PPP3CA: variants seen among roughly 807,000 people sequenced by gnomAD.
PPP3CA encodes the protein protein phosphatase 3 catalytic subunit alpha.
PPP3CA carries 14 observed loss-of-function variants against 66.5 expected under a neutral mutation model. The ratio of observed to expected loss-of-function variants is 0.21; its 90% CI spans 0.14 to 0.33. PPP3CA has a LOEUF of 0.33. Ranked by LOEUF, PPP3CA falls within the 10% of genes least tolerant of loss-of-function variation. The probability of loss-of-function intolerance (pLI) is 1.00; values close to 1 mark genes in which losing one functional copy is unlikely to be tolerated. For synonymous variants in PPP3CA, 232 were observed against 226.2 expected, an observed-to-expected ratio of 1.03 and a Z score of -0.23; for missense variants, 317 against 639.5, an observed-to-expected ratio of 0.50 and a Z score of 5.44.
At chr4:101,133,500 T>A (rs1722517036) in intron 2 of PPP3CA, among the ~76,000 whole-genome samples, 1 of 152,096 alleles carries the variant, frequency 6.6e-6, no homozygotes, top group Non-Finnish European at 1.5e-5. Context: ...TCACAACTGC[T>A]ACAAAGAGAA....
intron 1 of PPP3CA, among the ~76,000 whole-genome samples, chr4:101,346,078 C>A (rs2110346862): frequency 6.6e-6 from 1 of 152,136 alleles, no homozygotes; most frequent in South Asian, 2.1e-4. Context: ...CCCCCCGCGG[C>A]CACCCTCCAG....
intron 1 of PPP3CA, among the ~76,000 whole-genome samples, chr4:101,291,449 T>G (rs959163766): frequency 3.3e-5 from 5 of 150,334 alleles, no homozygotes; most frequent in Admixed American, 3.3e-4. Flanking sequence ...CTGGAGTACT[T>G]CCTCTGCCCT....
At chr4:101,230,355 TA>T (rs143221508) in intron 1 of PPP3CA, among the ~76,000 whole-genome samples, 6 of 150,538 alleles carry the variant, frequency 4.0e-5, no homozygotes, top group Non-Finnish European at 8.9e-5. Context: ...ATCTTTAAAA[TA>T]AAAAAAAATC....
rs149645446 is a variant in PPP3CA at position 101,184,995 on chromosome 4, C to T, written c.259+10921G>A. Among the ~76,000 whole-genome samples, 142 of 152,104 alleles carry T rather than the reference C, an allele frequency of 9.3e-4. 2 individuals carry two copies. Among genetic ancestry groups the T allele is most frequent in the African/African-American group, 3.2e-3 (134 of 41,508 alleles). Reference sequence around the variant, plus strand: ...GAGGCAAAAAATTGCAAGCTATATGCCTTAGTTAAGCCAAAAGGGAGGTCC... The same window carrying T: ...GAGGCAAAAAATTGCAAGCTATATGTCTTAGTTAAGCCAAAAGGGAGGTCC... On this transcript the variant is annotated intron_variant, in intron 2 of 13. Transcript: ENST00000394854.
Position 101,083,269 on chromosome 4 carries a change from A to G in PPP3CA, c.783-6T>C, listed in dbSNP as rs1560592847. On this transcript the variant is annotated splice_polypyrimidine_tract_variant and splice_region_variant and intron_variant, in intron 6 of 13. Transcript: ENST00000394854. ...ATTCACATACAGCCGGGTAACTGCC[A>G]GAGACAAAAAGAAAAGGGAAGCATC... is the stretch of plus-strand genomic sequence containing the variant. 1 of 1,606,282 alleles carries G rather than the reference A, an allele frequency of 6.2e-7. No homozygotes were observed. The highest frequency in any genetic ancestry group is 8.5e-7 in the Non-Finnish European group (1 of 1,174,804).
At chr4:101,227,782 T>C (rs901318799) in intron 1 of PPP3CA, among the ~76,000 whole-genome samples, 3 of 151,818 alleles carry the variant, frequency 2.0e-5, no homozygotes, top group Admixed American at 6.6e-5. Flanking sequence ...GTGTACTCAA[T>C]GTTTAGCTCC....
At chr4:101,130,808 C>T (rs1261862771) in intron 2 of PPP3CA, among the ~76,000 whole-genome samples, 1 of 152,126 alleles carries the variant, frequency 6.6e-6, no homozygotes, top group East Asian at 1.9e-4. Flanking sequence ...TAAAGTCTAT[C>T]GATATTATGA....
chr4:101,078,298 G>A (rs568842062), intron 8 of PPP3CA, among the ~76,000 whole-genome samples: 8 of 152,174 alleles, frequency 5.3e-5, no homozygotes, highest in South Asian at 2.1e-4. Flanking sequence ...TCCTTCTCTC[G>A]TGCAAGATTG....
chr4:101,046,129 T>C (rs564431920), intron 10 of PPP3CA, among the ~76,000 whole-genome samples: 1 of 152,260 alleles, frequency 6.6e-6, no homozygotes, highest in South Asian at 2.1e-4. Context: ...TGGAGTTACA[T>C]TCTCCCCATC....
intron 6 of PPP3CA, among the ~76,000 whole-genome samples, chr4:101,088,477 C>T (rs1054314737): frequency 1.4e-5 from 2 of 146,346 alleles, no homozygotes; most frequent in East Asian, 2.1e-4. Context: ...TCTAGCTACT[C>T]GGGAAGCTGA....
chr4:101,043,980 A>G, intron 10 of PPP3CA, among the ~76,000 whole-genome samples: 1 of 152,258 alleles, frequency 6.6e-6, no homozygotes, highest in Non-Finnish European at 1.5e-5. Context: ...CATGGACAGT[A>G]AGAAGAGACA....
intron 1 of PPP3CA, among the ~76,000 whole-genome samples, chr4:101,313,952 C>T (rs1728803355): frequency 6.6e-6 from 1 of 152,180 alleles, no homozygotes; most frequent in African/African-American, 2.4e-5. Context: ...AAGATCTTCT[C>T]TTCTAAGGAG....
At chr4:101,230,994 A>G (rs1280371699) in intron 1 of PPP3CA, among the ~76,000 whole-genome samples, 1 of 151,726 alleles carries the variant, frequency 6.6e-6, no homozygotes, top group Non-Finnish European at 1.5e-5. Flanking sequence ...TTCAAAATGC[A>G]AAGTCATTCC....
At chr4:101,334,950 T>C (rs1019019334) in intron 1 of PPP3CA, among the ~76,000 whole-genome samples, 7 of 152,154 alleles carry the variant, frequency 4.6e-5, no homozygotes, top group African/African-American at 1.7e-4. Context: ...TAAAGACTTA[T>C]CAGTAAGATC....
chr4:101,063,634 T>C (rs1728563737), intron 8 of PPP3CA, among the ~76,000 whole-genome samples: 1 of 151,984 alleles, frequency 6.6e-6, no homozygotes, highest in Admixed American at 6.6e-5. Flanking sequence ...CAGGAACTGA[T>C]TCAAGCTCCC....
chr4:101,042,810 T>C (rs538526236), intron 10 of PPP3CA, among the ~76,000 whole-genome samples: 42 of 133,466 alleles, frequency 3.1e-4, no homozygotes, highest in African/African-American at 1.6e-3. Context: ...TTTCTTTTTT[T>C]TTTTTTTTTT....
chr4:101,034,271 T>C (rs1241611630), intron 11 of PPP3CA, among the ~76,000 whole-genome samples: 1 of 152,200 alleles, frequency 6.6e-6, no homozygotes, highest in Admixed American at 6.5e-5. Context: ...GGCATCTGTG[T>C]GGCTCACTCC....
intron 1 of PPP3CA, among the ~76,000 whole-genome samples, chr4:101,346,394 T>G (rs1315102695): frequency 6.6e-6 from 1 of 151,730 alleles, no homozygotes; most frequent in Non-Finnish European, 1.5e-5. Flanking sequence ...ACCCACTTCC[T>G]ATTTCTGTCA....
chr4:101,331,832 T>C (rs937758351), intron 1 of PPP3CA, among the ~76,000 whole-genome samples: 1 of 152,114 alleles, frequency 6.6e-6, no homozygotes, highest in Non-Finnish European at 1.5e-5. Context: ...ATATGCTATA[T>C]TATAAATATT....
Sources: allele counts gnomAD v4.1 joint callset (sites outside exome capture counted in the v4.1 genomes callset), GRCh38; gene constraint gnomAD v4.1.1; transcripts MANE v1.5; gene names NCBI Gene and HGNC (gene_info 2026-07-23, HGNC 2026-07-21).